GBX2: variants seen among roughly 807,000 people sequenced by gnomAD.
GBX2 encodes gastrulation brain homeobox 2.
A neutral mutation model predicts 22.4 loss-of-function variants in GBX2; 5 were observed. The ratio of observed to expected loss-of-function variants is 0.22; its 90% CI spans 0.12 to 0.47. GBX2 has a LOEUF of 0.47. GBX2 is among the 20% of genes least tolerant of loss of function. The pLI, the probability that GBX2 is intolerant of heterozygous loss-of-function variation, is 0.99. For missense variants in GBX2, 470 were observed against 495.4 expected, an observed-to-expected ratio of 0.95 and a Z score of 0.49; for synonymous variants, 220 against 230.5, an observed-to-expected ratio of 0.95 and a Z score of 0.41.
chr2:236,164,678 G>A (rs888192979), downstream of GBX2, among the ~76,000 whole-genome samples: 1 of 152,170 alleles, frequency 6.6e-6, no homozygotes, highest in Non-Finnish European at 1.5e-5. Flanking sequence ...GCCGGGGCCG[G>A]GGGCGCTCCA....
In GBX2 at chr2:236,168,294, T is replaced by TCCGTCCGTCCCG. The variant is rs1576383561; in HGVS notation, c.-335_-324dup. 1 of 161,920 alleles carries TCCGTCCGTCCCG rather than the reference T, an allele frequency of 6.2e-6. No homozygotes were observed. The highest frequency in any genetic ancestry group is 1.2e-5 in the Non-Finnish European group (1 of 83,196). 10.0% of individuals were successfully genotyped at this position (161,920 alleles called of 1,614,324 possible). On this transcript the variant is annotated 5_prime_UTR_variant, in exon 1 of 2. Coordinates refer to ENST00000306318, the MANE Select transcript of GBX2 (RefSeq NM_001485.4). ...CTCGGCCCCGGTAAGCTGCCGTCCG[T>TCCGTCCGTCCCG]CCGTCCGTCCCGCCGTCCGTCGCCT...
At chr2:236,162,672 G>A (rs1041894768), downstream of GBX2, among the ~76,000 whole-genome samples, 2 of 152,206 alleles carry the variant, frequency 1.3e-5, no homozygotes, top group Non-Finnish European at 2.9e-5. Flanking sequence ...TGGCTGCGGG[G>A]TGCAGGCAGC....
In GBX2 at chr2:236,166,584, T is replaced by A. The variant is rs547855308; in HGVS notation, c.524-147A>T. The A allele has an allele frequency of 2.3e-5, 17 of 747,100 alleles. 1 individual carries two copies. The South Asian group carries it at 2.6e-4, about 12-fold the overall frequency. The allele number at this position is 747,100 out of a possible 1,614,324, so 46.3% of individuals were successfully genotyped here. A position where few individuals can be genotyped will look rare whatever the true frequency, so the allele number is the denominator to read the frequency against. ...ATGACATTAACACATTGTGATTTCC[T>A]GGCCTTTGAGGGGTAGAGGAGGGGT... On this transcript the variant is annotated intron_variant, in intron 1 of 1. Transcript: ENST00000306318. The surrounding 1 kb of genome is among the most constrained non-coding windows in gnomAD (Gnocchi z 6.6).
At chr2:236,162,322 C>T (rs557110037), downstream of GBX2, among the ~76,000 whole-genome samples, 3 of 152,328 alleles carry the variant, frequency 2.0e-5, no homozygotes, top group South Asian at 6.2e-4. Flanking sequence ...TGTGAAAGAA[C>T]CACCCAGGGG....
intron 1 of GBX2, chr2:236,167,045 C>T: frequency 9.1e-7 from 1 of 1,102,376 alleles, no homozygotes; most frequent in Non-Finnish European, 1.3e-6. Flanking sequence ...GTAGCAAGAC[C>T]AGCGAAGGGG....
downstream of GBX2, among the ~76,000 whole-genome samples, chr2:236,164,171 C>T (rs1000765688): frequency 3.3e-5 from 5 of 152,032 alleles, no homozygotes; most frequent in Non-Finnish European, 1.5e-5. Flanking sequence ...AAAATTAAGT[C>T]AATATTAGTA....
At chr2:236,167,194 A>G (rs1478417321) in intron 1 of GBX2, 22 of 1,535,184 alleles carry the variant, frequency 1.4e-5, no homozygotes, top group Admixed American at 2.0e-5. Flanking sequence ...ACGCATCGTC[A>G]GATAGATATG....
At chr2:236,163,968 G>C (rs2060224348), downstream of GBX2, among the ~76,000 whole-genome samples, 1 of 152,120 alleles carries the variant, frequency 6.6e-6, no homozygotes, top group Non-Finnish European at 1.5e-5. Flanking sequence ...CGACGCCCTC[G>C]GAGGACTGGC....
downstream of GBX2, among the ~76,000 whole-genome samples, chr2:236,162,695 C>T (rs1315433419): frequency 6.6e-6 from 1 of 152,158 alleles, no homozygotes; most frequent in Non-Finnish European, 1.5e-5. Context: ...TGAGGCGTCC[C>T]AGTGCACGGC....
chr2:236,164,767 G>T (rs2060228927), downstream of GBX2, among the ~76,000 whole-genome samples: 2 of 152,142 alleles, frequency 1.3e-5, no homozygotes, highest in Admixed American at 1.3e-4. Context: ...GCCAGATAAC[G>T]CCCGGAGCCT....
chr2:236,167,699 G>A lies in GBX2; in HGVS notation c.273C>T (p.Cys91=). The A allele has an allele frequency of 6.4e-7, 1 of 1,573,930 alleles. No individual in the cohort carries two copies. Among genetic ancestry groups the A allele is most frequent in the Admixed American group, 1.8e-5 (1 of 56,574 alleles). ...GCGCCATGCCCTGCGCCAGGCTGGA[G>A]CAGAAGCCTGTGGGCAGGCTGGGGA... is the stretch of plus-strand genomic sequence containing the variant. ...HQIPSLPTGF[C]SSLAQGMALT... The change falls in exon 1 of 2, where the codon TGC becomes TGT. Residue 91 remains cysteine (C), a synonymous_variant. Transcript: ENST00000306318.
chr2:236,162,675 C>A (rs1395194036), downstream of GBX2, among the ~76,000 whole-genome samples: 1 of 152,184 alleles, frequency 6.6e-6, no homozygotes, highest in Non-Finnish European at 1.5e-5. Flanking sequence ...CTGCGGGGTG[C>A]AGGCAGCCCT....
chr2:236,167,449 C>A lies in GBX2; in HGVS notation c.523G>T (p.Val175Phe), dbSNP rs1162967845. The A allele has an allele frequency of 6.6e-6, 10 of 1,525,586 alleles. No individual in the cohort carries two copies. The highest frequency in any genetic ancestry group is 8.7e-6 in the Non-Finnish European group (10 of 1,147,524). The allele number at this position is 1,525,586 out of a possible 1,614,324, so 94.5% of individuals were successfully genotyped here. ...CCGGCTGCGCGCGCCGCCGACTCAC[C>A]GAGCGAAGCCTGCACCGTCTCGGCC... The part of the protein sequence containing the change: ...SAAETVQASL[V>F]GAVRGQGKDE... The change falls in exon 1 of 2, where the codon GTC (valine) becomes TTC (phenylalanine). Residue 175 changes from valine to phenylalanine, a missense_variant and splice_region_variant. Val to Phe is a conservative substitution (Grantham distance 50, BLOSUM62 -1). Around this residue, in one of 4 missense-constraint regions of GBX2, gnomAD observed 377 missense variants for 358.6 expected, o/e 1.05. Transcript: ENST00000306318.
At chr2:236,163,270 G>T (rs750595814), downstream of GBX2, among the ~76,000 whole-genome samples, 1 of 148,158 alleles carries the variant, frequency 6.7e-6, no homozygotes, top group African/African-American at 2.6e-5. Flanking sequence ...AGGGGTTAGG[G>T]AGGGAGGGGG....
chr2:236,164,725 C>A (rs1264043162), downstream of GBX2, among the ~76,000 whole-genome samples: 1 of 152,206 alleles, frequency 6.6e-6, no homozygotes, highest in Non-Finnish European at 1.5e-5. Flanking sequence ...TGCCGGGAAG[C>A]CGGCTGGGCT....
Position 236,166,171 on chromosome 2 carries a change from T to C in GBX2, c.790A>G (p.Lys264Glu). ...AGGTACTTTTTGCAGTGGAACTCCT[T>C]CTCTAGCTCCAGCAGCTGCTCGCTG... is the stretch of plus-strand genomic sequence containing the variant. The part of the protein sequence containing the change: ...FTSEQLLELE[K>E]EFHCKKYLSL... Residue 264 changes from lysine to glutamate, a missense_variant, in exon 2 of 2, where the codon AAG becomes GAG. By Grantham distance (56) the Lys-to-Glu change is moderately conservative. This residue lies in a region of GBX2 where 40 missense variants were observed against 55.1 expected (regional missense o/e 0.73). Transcript: ENST00000306318. The surrounding 1 kb of genome is among the most constrained non-coding windows in gnomAD (Gnocchi z 6.6). The C allele has an allele frequency of 6.2e-7, 1 of 1,614,018 alleles. No individual in the cohort carries two copies. Among genetic ancestry groups the C allele is most frequent in the Non-Finnish European group, 8.5e-7 (1 of 1,180,020 alleles).
In GBX2 at chr2:236,166,197, G is replaced by A; in HGVS notation, c.764C>T (p.Thr255Ile). Residue 255 changes from threonine to isoleucine, a missense_variant, in exon 2 of 2, where the codon ACC becomes ATC. Transcript: ENST00000306318. This position sits in a 1 kb window ranked among gnomAD's most constrained non-coding sequence, Gnocchi z 6.6. ...GKNRRRRTAF[T>I]SEQLLELEKE... ...CTCTAGCTCCAGCAGCTGCTCGCTG[G>A]TGAAGGCAGTCCGCCGCCGCCGGTT... The A allele has an allele frequency of 6.2e-7, 1 of 1,613,922 alleles. No individual in the cohort carries two copies. The highest frequency in any genetic ancestry group is 8.5e-7 in the Non-Finnish European group (1 of 1,180,024).
chr2:236,167,820 C>G lies in GBX2; in HGVS notation c.152G>C (p.Arg51Pro). 1.4e-6 allele frequency: 2 copies of G among 1,450,788 alleles called. No individual in the cohort carries two copies. Among genetic ancestry groups the G allele is most frequent in the Middle Eastern group, 1.9e-4 (1 of 5,400 alleles). 89.9% of individuals were successfully genotyped at this position (1,450,788 alleles called of 1,614,324 possible). A position where few individuals can be genotyped will look rare whatever the true frequency, so the allele number is the denominator to read the frequency against. The change falls in exon 1 of 2, where the codon CGG becomes CCG. Residue 51 changes from arginine to proline, a missense_variant. Physicochemically the swap from Arg to Pro is moderately radical, Grantham distance 103. Coordinates refer to ENST00000306318, the MANE Select transcript of GBX2 (RefSeq NM_001485.4). ...YTGYPMFMPY[R>P]PVVLPPPPPP... ...CGGCGGCGGCGGCAGCACTACCGGC[C>G]GGTAGGGCATGAACATGGGGTAGCC...
At chr2:236,161,364 A>C (rs2060212955), downstream of GBX2, among the ~76,000 whole-genome samples, 1 of 152,242 alleles carries the variant, frequency 6.6e-6, no homozygotes, top group African/African-American at 2.4e-5. Context: ...TTTATAATTT[A>C]TGCAGGTTGT....
Sources: allele counts gnomAD v4.1 joint callset (sites outside exome capture counted in the v4.1 genomes callset), GRCh38; gene constraint gnomAD v4.1.1; regional missense constraint gnomAD v4.1.1; non-coding constraint Gnocchi (gnomAD v3.1); transcripts MANE v1.5; gene names NCBI Gene and HGNC (gene_info 2026-07-23, HGNC 2026-07-21).